ATG10: variants seen among roughly 807,000 people sequenced by gnomAD.
ATG10 encodes autophagy related 10.
Under a neutral mutation model 32.1 loss-of-function variants are expected in ATG10, and 30 were observed. The ratio of observed to expected loss-of-function variants is 0.94; its 90% confidence interval spans 0.70 to 1.27. The LOEUF (loss-of-function observed/expected upper bound fraction) is 1.27. Ranked by LOEUF, ATG10 falls within the 50% of genes most tolerant of loss-of-function variation. ATG10 has a pLI of 0.00. For missense variants in ATG10, 233 were observed against 262.3 expected, an observed-to-expected ratio of 0.89 and a Z score of 0.77; for synonymous variants, 87 against 91.5, an observed-to-expected ratio of 0.95 and a Z score of 0.28.
intron 2 of ATG10, among the ~76,000 whole-genome samples, chr5:82,044,259 A>G (rs1763170804): frequency 6.6e-6 from 1 of 152,098 alleles, no homozygotes; most frequent in South Asian, 2.1e-4. Context: ...ACACACTTCT[A>G]AACCATCACA....
chr5:82,056,404 C>G (rs1458885745), intron 2 of ATG10, among the ~76,000 whole-genome samples: 1 of 145,294 alleles, frequency 6.9e-6, no homozygotes, highest in Non-Finnish European at 1.5e-5. Flanking sequence ...GAGCCAACTT[C>G]GTTTAATTAC....
At chr5:82,057,856 T>A (rs2149749371) in intron 2 of ATG10, among the ~76,000 whole-genome samples, 1 of 152,224 alleles carries the variant, frequency 6.6e-6, no homozygotes, top group Admixed American at 6.5e-5. Context: ...CTTCAGCGCT[T>A]GGAAGAACAG....
intron 3 of ATG10, among the ~76,000 whole-genome samples, chr5:82,163,889 T>C (rs1414516063): frequency 1.3e-5 from 2 of 152,208 alleles, no homozygotes; most frequent in Admixed American, 6.5e-5. Flanking sequence ...TTTTGAAATA[T>C]ACCTAACAAA....
Position 82,255,840 on chromosome 5 carries a change from G to A in ATG10, c.*1777G>A, listed in dbSNP as rs1019806. On this transcript the variant is annotated 3_prime_UTR_variant, in exon 8 of 8. Coordinates refer to ENST00000282185, the MANE Select transcript of ATG10 (RefSeq NM_031482.5). ...CACCGTGACAGCACCCTCAGTCCAC[G>A]TCTGCAGATTAAGAGCTGAACTCTC... 123,194 of 152,220 alleles carry A rather than the reference G, an allele frequency of 0.81. 50,224 individuals carry two copies. The highest frequency in any genetic ancestry group is 0.99 in the East Asian group (5,118 of 5,180). 9.4% of individuals were successfully genotyped at this position (152,220 alleles called of 1,614,324 possible).
intron 3 of ATG10, among the ~76,000 whole-genome samples, chr5:82,157,599 A>C (rs762624352): frequency 3.3e-5 from 5 of 152,244 alleles, no homozygotes; most frequent in Non-Finnish European, 7.3e-5. Flanking sequence ...GATTATTTTT[A>C]TAATTCACTT....
intron 3 of ATG10, among the ~76,000 whole-genome samples, chr5:82,144,179 T>C (rs946925752): frequency 1.3e-5 from 2 of 152,138 alleles, no homozygotes; most frequent in Non-Finnish European, 2.9e-5. Context: ...ATAATCCTTT[T>C]TTCATTTCTG....
At chr5:82,207,863 A>G (rs1215866419) in intron 5 of ATG10, among the ~76,000 whole-genome samples, 1 of 152,202 alleles carries the variant, frequency 6.6e-6, no homozygotes, top group Non-Finnish European at 1.5e-5. Flanking sequence ...TGGATTTTTC[A>G]TTTTAACTGT....
intron 3 of ATG10, among the ~76,000 whole-genome samples, chr5:82,111,871 A>G (rs1765632314): frequency 6.6e-6 from 1 of 151,986 alleles, no homozygotes; most frequent in Non-Finnish European, 1.5e-5. Context: ...AAATATTTAC[A>G]GCGTGATAGA....
At chr5:82,063,783 A>G (rs1763859513) in intron 3 of ATG10, among the ~76,000 whole-genome samples, 1 of 152,158 alleles carries the variant, frequency 6.6e-6, no homozygotes, top group Admixed American at 6.6e-5. Context: ...TTGAGCCACC[A>G]TGCCCGGCTG....
At chr5:82,141,879 G>T (rs1313101327) in intron 3 of ATG10, among the ~76,000 whole-genome samples, 2 of 151,834 alleles carry the variant, frequency 1.3e-5, no homozygotes, top group Non-Finnish European at 2.9e-5. Flanking sequence ...TTGCCCGTGG[G>T]ATAGCCTCCC....
At chr5:81,981,269 TC>T (rs947905921) in intron 1 of ATG10, among the ~76,000 whole-genome samples, 2 of 152,230 alleles carry the variant, frequency 1.3e-5, no homozygotes, top group Admixed American at 6.5e-5. Context: ...TTTGAAAGTA[TC>T]CCAGGTGCTA....
At chr5:82,141,691 A>G (rs1364316211) in intron 3 of ATG10, among the ~76,000 whole-genome samples, 1 of 152,146 alleles carries the variant, frequency 6.6e-6, no homozygotes, top group Admixed American at 6.5e-5. Flanking sequence ...TAAAATTTAT[A>G]CGTAGGATTT....
At chr5:82,229,403 G>A (rs1746258783) in intron 5 of ATG10, among the ~76,000 whole-genome samples, 1 of 152,190 alleles carries the variant, frequency 6.6e-6, no homozygotes, top group Non-Finnish European at 1.5e-5. Context: ...AATTATATGA[G>A]TTTGACAGGC....
chr5:82,095,887 G>C (rs750080007), intron 3 of ATG10, among the ~76,000 whole-genome samples: 1 of 152,142 alleles, frequency 6.6e-6, no homozygotes, highest in African/African-American at 2.4e-5. Flanking sequence ...GTTGTTATTA[G>C]TAGGAAAATT....
At chr5:82,105,435 G>T (rs193181076) in intron 3 of ATG10, among the ~76,000 whole-genome samples, 6 of 152,226 alleles carry the variant, frequency 3.9e-5, no homozygotes, top group African/African-American at 1.4e-4. Flanking sequence ...GTTTGATGAA[G>T]AATTGCTGTT....
chr5:82,051,724 A>T (rs7702257), intron 2 of ATG10, among the ~76,000 whole-genome samples: 1 of 152,140 alleles, frequency 6.6e-6, no homozygotes, highest in East Asian at 1.9e-4. Flanking sequence ...TATTTGGGGT[A>T]TGGGGAGGAG....
At chr5:82,202,408 A>C (rs1745102137) in intron 5 of ATG10, among the ~76,000 whole-genome samples, 1 of 152,206 alleles carries the variant, frequency 6.6e-6, no homozygotes, top group Non-Finnish European at 1.5e-5. Flanking sequence ...TGGACTCTTA[A>C]AAACAACTCT....
At chr5:82,061,867 G>A (rs114632354) in intron 3 of ATG10, among the ~76,000 whole-genome samples, 110 of 112,770 alleles carry the variant, frequency 9.8e-4, no homozygotes, top group African/African-American at 3.6e-3. Context: ...GCTCTGTCTC[G>A]CAGGCTGGAG....
intron 3 of ATG10, among the ~76,000 whole-genome samples, chr5:82,120,187 A>G (rs189263486): frequency 1.3e-5 from 2 of 152,338 alleles, no homozygotes; most frequent in Admixed American, 1.3e-4. Context: ...TGTTATTGAC[A>G]GTATTTCTAA....
Sources: gnomAD v4.1 joint callset for allele counts (sites outside exome capture counted in the v4.1 genomes callset) on GRCh38, gnomAD v4.1.1 for gene constraint, MANE v1.5 for transcripts, NCBI Gene and HGNC (gene_info 2026-07-23, HGNC 2026-07-21) for gene names.